The following GPC5 variants were observed in gnomAD, a reference collection of about 807,000 sequenced individuals.
GPC5 encodes glypican 5.
Under a neutral mutation model 53.9 loss-of-function variants are expected in GPC5, and 47 were observed. The ratio of observed to expected loss-of-function variants is 0.87; its 90% CI spans 0.69 to 1.11. The LOEUF is 1.11. Among genes scored for constraint, GPC5 ranks in the 50% most tolerant of loss-of-function variants. The pLI is 0.00. For missense variants in GPC5, 748 were observed against 713.1 expected, an observed-to-expected ratio of 1.05 and a Z score of -0.56; for synonymous variants, 286 against 263.3, an observed-to-expected ratio of 1.09 and a Z score of -0.84.
At chr13:92,141,692 A>G (rs2041832103) in intron 6 of GPC5, among the ~76,000 whole-genome samples, 1 of 152,154 alleles carries the variant, frequency 6.6e-6, no homozygotes, top group South Asian at 2.1e-4. Context: ...TCCACAGATG[A>G]GAAGTCTGGG....
intron 7 of GPC5, among the ~76,000 whole-genome samples, chr13:92,809,838 T>C (rs1367564160): frequency 6.6e-6 from 1 of 152,076 alleles, no homozygotes; most frequent in African/African-American, 2.4e-5. Context: ...CATTATATAG[T>C]ACAGTTTAAT....
intron 3 of GPC5, among the ~76,000 whole-genome samples, chr13:91,723,197 C>T (rs460404): frequency 0.98 from 149,637 of 152,088 alleles, 73,619 homozygotes; most frequent in East Asian, 1. Context: ...TTGATACAAA[C>T]GTAGCAACAT....
At chr13:91,956,165 TC>T (rs931264715) in intron 6 of GPC5, among the ~76,000 whole-genome samples, 5 of 150,876 alleles carry the variant, frequency 3.3e-5, no homozygotes, top group Admixed American at 6.6e-5. Context: ...TTCAGTTTTC[TC>T]CCCCCCACCC....
intron 3 of GPC5, among the ~76,000 whole-genome samples, chr13:91,702,097 T>C (rs1952118956): frequency 6.6e-6 from 1 of 152,162 alleles, no homozygotes; most frequent in Admixed American, 6.5e-5. Context: ...TATGTTTTCC[T>C]TGGAGAAATG....
intron 7 of GPC5, among the ~76,000 whole-genome samples, chr13:92,314,486 C>T (rs912078730): frequency 3.3e-5 from 5 of 152,164 alleles, no homozygotes; most frequent in Admixed American, 3.3e-4. Context: ...AGTATTTATT[C>T]ATCGTATTGT....
intron 7 of GPC5, among the ~76,000 whole-genome samples, chr13:92,573,223 G>A (rs1390148479): frequency 6.6e-6 from 1 of 152,138 alleles, no homozygotes; most frequent in Non-Finnish European, 1.5e-5. Context: ...TAAATAAAAT[G>A]TATGTGTCAG....
At chr13:91,752,435 C>A (rs1329083772) in intron 4 of GPC5, among the ~76,000 whole-genome samples, 2 of 152,090 alleles carry the variant, frequency 1.3e-5, no homozygotes, top group Admixed American at 6.6e-5. Context: ...AGGATTTCAA[C>A]ATATGAATTT....
At position 92,682,320 on chromosome 13, in the gene GPC5, A is replaced by G. The variant is rs1176918885; in HGVS notation, c.1562-183962A>G. 3.3e-5 allele frequency among the ~76,000 whole-genome samples: 5 copies of G among 152,158 alleles called. No homozygotes were observed. In the East Asian group the frequency reaches 7.7e-4, roughly 23 times the overall value. On this transcript the variant is annotated intron_variant, in intron 7 of 7. Transcript: ENST00000377067. ...CTCTCTCCCCGTTTTGCCTATTGCT[A>G]CTTTGAAGAGTATGTGTTTATGACT... is the stretch of plus-strand genomic sequence containing the variant.
At chr13:92,725,737 CA>C (rs1300874503) in intron 7 of GPC5, among the ~76,000 whole-genome samples, 2 of 151,464 alleles carry the variant, frequency 1.3e-5, no homozygotes, top group Non-Finnish European at 3.0e-5. Context: ...TGGGAATGAT[CA>C]AAATAGAGCT....
chr13:92,271,477 A>G (rs531205448), intron 7 of GPC5, among the ~76,000 whole-genome samples: 1 of 152,338 alleles, frequency 6.6e-6, no homozygotes, highest in Non-Finnish European at 1.5e-5. Context: ...ATTTCCAGGT[A>G]TAAAGTTAGC....
intron 7 of GPC5, among the ~76,000 whole-genome samples, chr13:92,527,445 C>T (rs1412702737): frequency 6.6e-6 from 1 of 151,984 alleles, no homozygotes; most frequent in Non-Finnish European, 1.5e-5. Context: ...ATGTTGGATG[C>T]TGCTAAGAGG....
chr13:91,737,795 C>A (rs1261166488), intron 4 of GPC5, among the ~76,000 whole-genome samples: 1 of 151,356 alleles, frequency 6.6e-6, no homozygotes, highest in Non-Finnish European at 1.5e-5. Flanking sequence ...TCAACCTATT[C>A]TTTTGAGGTA....
chr13:92,723,029 G>A (rs1331132122), intron 7 of GPC5, among the ~76,000 whole-genome samples: 1 of 151,612 alleles, frequency 6.6e-6, no homozygotes, highest in African/African-American at 2.4e-5. Flanking sequence ...TTTTGAAATA[G>A]ACAGAACCGG....
intron 7 of GPC5, among the ~76,000 whole-genome samples, chr13:92,740,705 T>C (rs994664274): frequency 1.3e-5 from 2 of 151,646 alleles, no homozygotes; most frequent in African/African-American, 2.4e-5. Context: ...CACATGGAGA[T>C]TGTGGGGAAT....
chr13:91,709,301 T>C (rs73607079), intron 3 of GPC5, among the ~76,000 whole-genome samples: 1,848 of 152,318 alleles, frequency 0.012, 33 homozygotes, highest in African/African-American at 0.041. Flanking sequence ...GGTTTTTATT[T>C]ACCTTAGAAT....
At chr13:92,271,877 G>T (rs2042842201) in intron 7 of GPC5, among the ~76,000 whole-genome samples, 1 of 152,142 alleles carries the variant, frequency 6.6e-6, no homozygotes, top group Non-Finnish European at 1.5e-5. Flanking sequence ...GTAATAAGAT[G>T]ACTGTAAATA....
At chr13:92,067,906 G>A (rs185917937) in intron 6 of GPC5, among the ~76,000 whole-genome samples, 2 of 152,022 alleles carry the variant, frequency 1.3e-5, no homozygotes, top group Admixed American at 1.3e-4. Flanking sequence ...AGACAAGCAT[G>A]ATGGGTCATT....
At chr13:92,556,168 G>A (rs1434636818) in intron 7 of GPC5, among the ~76,000 whole-genome samples, 1 of 151,626 alleles carries the variant, frequency 6.6e-6, no homozygotes, top group Non-Finnish European at 1.5e-5. Flanking sequence ...AATATCTCCT[G>A]CTTTTGCTTT....
chr13:91,630,415 A>G (rs1367555509), intron 2 of GPC5, among the ~76,000 whole-genome samples: 3 of 152,164 alleles, frequency 2.0e-5, no homozygotes, highest in Non-Finnish European at 2.9e-5. Flanking sequence ...TTCCCTCCCC[A>G]TTCTACCCAG....
Sources: allele counts gnomAD v4.1 joint callset (sites outside exome capture counted in the v4.1 genomes callset), GRCh38; gene constraint gnomAD v4.1.1; transcripts MANE v1.5; gene names NCBI Gene and HGNC (gene_info 2026-07-23, HGNC 2026-07-21).